The following EPHX2 variants were observed in gnomAD, a reference collection of about 807,000 sequenced individuals.
The protein encoded by EPHX2 is epoxide hydrolase 2.
A neutral mutation model predicts 78.7 loss-of-function variants in EPHX2; 74 were observed. That is an observed-to-expected ratio of 0.94 (90% CI 0.78 to 1.14). The LOEUF is 1.14. Ranked by LOEUF, EPHX2 falls within the 50% of genes most tolerant of loss-of-function variation. The pLI is 0.00. For missense variants in EPHX2, 715 were observed against 702.5 expected (o/e 1.02, Z -0.20); for synonymous variants, 251 against 255.2 (o/e 0.98, Z 0.16).
downstream of EPHX2, among the ~76,000 whole-genome samples, chr8:27,546,299 G>T (rs149726941): frequency 2.4e-3 from 359 of 152,280 alleles, 6 homozygotes; most frequent in South Asian, 0.024. Flanking sequence ...CTCATGGGTG[G>T]TTGTATCAAG....
chr8:27,530,783 GA>G (rs1263077961), intron 12 of EPHX2, among the ~76,000 whole-genome samples: 2 of 126,108 alleles, frequency 1.6e-5, no homozygotes, highest in African/African-American at 6.5e-5. Flanking sequence ...TTTTTTTTGA[GA>G]TGGAGTTTCG....
intron 10 of EPHX2, among the ~76,000 whole-genome samples, chr8:27,522,198 T>G (rs990303795): frequency 6.6e-6 from 1 of 152,182 alleles, no homozygotes; most frequent in Non-Finnish European, 1.5e-5. Context: ...AAGGAACCCA[T>G]GGCCTGTGGC....
At position 27,521,172 on chromosome 8, in the gene EPHX2, G is replaced by A. The variant is rs147052218; in HGVS notation, c.972+263G>A. Among the ~76,000 whole-genome samples the A allele has an allele frequency of 4.3e-3, 655 of 152,302 alleles. 3 individuals carry two copies. Among genetic ancestry groups the A allele is most frequent in the Non-Finnish European group, 4.2e-3 (283 of 68,018 alleles). On this transcript the variant is annotated intron_variant, in intron 10 of 18. Coordinates refer to ENST00000521400, the MANE Select transcript of EPHX2 (RefSeq NM_001979.6). ...CCAGGGAATGGGACCAGGGAGGACA[G>A]CCTTGAGTATCCATTAGAGAAGTTT...
At chr8:27,506,369 CCAAA>C (rs1814006757) in intron 4 of EPHX2, among the ~76,000 whole-genome samples, 1 of 152,130 alleles carries the variant, frequency 6.6e-6, no homozygotes, top group Admixed American at 6.6e-5. Flanking sequence ...TTTTATTCCC[CCAAA>C]CAGTTAACCA....
At position 27,545,497 on chromosome 8, in the gene EPHX2, G is replaced by T. The variant is rs11989325; in HGVS notation, c.*975G>T. On this transcript the variant is annotated 3_prime_UTR_variant, in exon 19 of 19. Transcript: ENST00000521400. ...CCCACATGGTTGGATCCTGAAACTC[G>T]CAGGGCCTCCCCCAACTGCCCCTGC... is the stretch of plus-strand genomic sequence containing the variant. The T allele has an allele frequency of 0.045, 6,871 of 151,828 alleles. 550 individuals carry two copies. Among genetic ancestry groups the T allele is most frequent in the African/African-American group, 0.16 (6,472 of 41,160 alleles). The allele number at this position is 151,828 out of a possible 1,614,324, so 9.4% of individuals were successfully genotyped here. A position where few individuals can be genotyped will look rare whatever the true frequency, so the allele number is the denominator to read the frequency against.
intron 2 of EPHX2, among the ~76,000 whole-genome samples, chr8:27,501,392 T>A (rs868795222): frequency 7.5e-6 from 1 of 132,546 alleles, no homozygotes; most frequent in African/African-American, 2.9e-5. Context: ...TTCTTCTTCT[T>A]CTTTCTTCTT....
downstream of EPHX2, among the ~76,000 whole-genome samples, chr8:27,547,317 T>A (rs1359575893): frequency 1.3e-5 from 2 of 152,240 alleles, no homozygotes; most frequent in Non-Finnish European, 2.9e-5. Flanking sequence ...AGTGGTGGTA[T>A]CAGGGCATTC....
chr8:27,529,219 T>C (rs1585213981), intron 12 of EPHX2, among the ~76,000 whole-genome samples: 2 of 152,362 alleles, frequency 1.3e-5, no homozygotes, highest in Non-Finnish European at 2.9e-5. Flanking sequence ...CCTGGGAATC[T>C]GCCAAGTCTG....
chr8:27,528,518 G>A (rs1252886455), intron 12 of EPHX2, among the ~76,000 whole-genome samples: 1 of 152,178 alleles, frequency 6.6e-6, no homozygotes, highest in East Asian at 1.9e-4. Context: ...CAAAAGGTTG[G>A]TTTTGGGTGG....
intron 12 of EPHX2, among the ~76,000 whole-genome samples, chr8:27,526,738 G>T (rs1209137037): frequency 6.6e-6 from 1 of 151,812 alleles, no homozygotes; most frequent in Admixed American, 6.6e-5. Flanking sequence ...TCCTCATATG[G>T]TATTTAGCCC....
Position 27,543,745 on chromosome 8 carries a change from C to G in EPHX2, c.1450-4C>G, listed in dbSNP as rs745701010. 12 of 1,613,928 alleles carry G rather than the reference C, an allele frequency of 7.4e-6. No homozygotes were observed. The Admixed American group carries it at 1.3e-4, about 18-fold the overall frequency. On this transcript the variant is annotated splice_polypyrimidine_tract_variant and splice_region_variant and intron_variant, in intron 16 of 18. Coordinates refer to ENST00000521400, the MANE Select transcript of EPHX2 (RefSeq NM_001979.6). The stretch of plus-strand genomic sequence containing the variant: ...GCCACTTCTGTTTCCTGTTCTCCCC[C>G]CAGATCCTGATTCCGGCCCTGATGG...
rs757260834 is a variant in EPHX2, at chr8:27,515,714, A to T, written c.736-4A>T. ...CGCTGCCCTCTCCTCTTTCCCTTCCACAGCCCAGGGTCCGTCTGCATTTTG... is the reference window on the plus strand; with the variant it reads ...CGCTGCCCTCTCCTCTTTCCCTTCCTCAGCCCAGGGTCCGTCTGCATTTTG... On this transcript the variant is annotated splice_region_variant and splice_polypyrimidine_tract_variant and intron_variant, in intron 6 of 18. Transcript: ENST00000521400. The T allele has an allele frequency of 1.2e-6, 2 of 1,613,370 alleles. No individual in the cohort carries two copies. Among genetic ancestry groups the T allele is most frequent in the African/African-American group, 2.7e-5 (2 of 74,960 alleles).
intron 6 of EPHX2, among the ~76,000 whole-genome samples, chr8:27,514,514 G>C (rs985114107): frequency 6.6e-6 from 1 of 152,188 alleles, no homozygotes; most frequent in Non-Finnish European, 1.5e-5. Flanking sequence ...CACCATAACA[G>C]TCAAGGCTGG....
downstream of EPHX2, among the ~76,000 whole-genome samples, chr8:27,545,728 A>C (rs902288295): frequency 1.3e-5 from 2 of 152,136 alleles, no homozygotes; most frequent in Admixed American, 6.5e-5. Flanking sequence ...TCACAGATGC[A>C]CGCACAATGG....
chr8:27,496,609 C>A (rs1813583026), intron 1 of EPHX2, among the ~76,000 whole-genome samples: 1 of 152,174 alleles, frequency 6.6e-6, no homozygotes, highest in Non-Finnish European at 1.5e-5. Flanking sequence ...TACTAGTCTC[C>A]ACTGAACGTT....
At chr8:27,517,957 C>A in intron 8 of EPHX2, 81 bp from the exon 9 acceptor site, 1 of 1,177,476 alleles carries the variant, frequency 8.5e-7, no homozygotes, top group Non-Finnish European at 1.2e-6. Flanking sequence ...TTTTGGTTTT[C>A]TTTGCAAAAA....
chr8:27,540,848 G>A (rs1435370437), intron 15 of EPHX2, among the ~76,000 whole-genome samples, 192 bp downstream of exon 15: 1 of 152,160 alleles, frequency 6.6e-6, no homozygotes, highest in Non-Finnish European at 1.5e-5. Context: ...TCTAGTTTGG[G>A]ATAGCTCAGC....
At chr8:27,525,129 T>G (rs1408400933) in intron 11 of EPHX2, among the ~76,000 whole-genome samples, 1 of 149,186 alleles carries the variant, frequency 6.7e-6, no homozygotes, top group Non-Finnish European at 1.5e-5. Context: ...CGCGCACCTA[T>G]GTGTCTAAGG....
At chr8:27,544,384 G>A (rs184409787) in intron 18 of EPHX2, 60 bp from the exon 19 acceptor site, 4 of 1,603,812 alleles carry the variant, frequency 2.5e-6, no homozygotes, top group Middle Eastern at 1.7e-4. Context: ...CGAGTTGGCT[G>A]GGTAGGTGCA....
Sources: allele counts gnomAD v4.1 joint callset (sites outside exome capture counted in the v4.1 genomes callset), GRCh38; gene constraint gnomAD v4.1.1; transcripts MANE v1.5; gene names NCBI Gene and HGNC (gene_info 2026-07-23, HGNC 2026-07-21).